The following VRK2 variants were observed in gnomAD, a reference collection of about 807,000 sequenced individuals.
The protein encoded by VRK2 is VRK serine/threonine kinase 2, also known as serine/threonine-protein kinase VRK2.
A neutral mutation model predicts 57.6 loss-of-function variants in VRK2; 60 were observed. The observed-to-expected ratio is 1.04, with a 90% CI of 0.85 to 1.29. The LOEUF is 1.29. Ranked by LOEUF, VRK2 falls within the 50% of genes most tolerant of loss-of-function variation. VRK2 has a pLI of 0.00. For missense variants in VRK2, 705 were observed against 588.1 expected (o/e 1.20, Z -2.06); for synonymous variants, 231 against 199.2 (o/e 1.16, Z -1.35).
intron 10 of VRK2, among the ~76,000 whole-genome samples, chr2:58,136,290 T>C (rs1679996678): frequency 2.6e-5 from 4 of 152,136 alleles, no homozygotes; most frequent in Admixed American, 2.6e-4. Context: ...GAGATCCTCA[T>C]TGTGGGAATG....
At chr2:58,092,636 T>C (rs963147288) in intron 7 of VRK2, among the ~76,000 whole-genome samples, 3 of 152,168 alleles carry the variant, frequency 2.0e-5, no homozygotes, top group Non-Finnish European at 4.4e-5. Flanking sequence ...CCATCAGCAA[T>C]GTGTGATATT....
chr2:57,987,586 G>A (rs1469527800), intron 1 of VRK2, among the ~76,000 whole-genome samples: 2 of 152,092 alleles, frequency 1.3e-5, no homozygotes, highest in South Asian at 2.1e-4. Flanking sequence ...TCTTTGGAAG[G>A]TGTTTGGAAG....
chr2:58,007,938 A>G (rs1673300701), intron 1 of VRK2, among the ~76,000 whole-genome samples: 1 of 152,340 alleles, frequency 6.6e-6, no homozygotes, highest in Non-Finnish European at 1.5e-5. Context: ...ACAAAGGGAA[A>G]TAGAAAATCC....
rs1379874811 is a variant in VRK2, at chr2:58,098,114, G to T, written c.543+8391G>T. 3.3e-5 allele frequency among the ~76,000 whole-genome samples: 5 copies of T among 151,388 alleles called. No individual in the cohort carries two copies. The South Asian group carries it at 6.3e-4, about 19-fold the overall frequency. ...ATTGTGTCTTATTTTTTAACAAAAA[G>T]ATTTAAAAAAATAAAAAAGAAAATA... On this transcript the variant is annotated intron_variant, in intron 7 of 12. Transcript: ENST00000340157.
chr2:58,054,260 C>T (rs1230046373), intron 2 of VRK2, among the ~76,000 whole-genome samples: 2 of 151,812 alleles, frequency 1.3e-5, no homozygotes, highest in African/African-American at 4.8e-5. Context: ...TCTTTATTTT[C>T]AACATTTTAC....
chr2:57,973,735 G>A (rs1171492546), intron 1 of VRK2, among the ~76,000 whole-genome samples: 1 of 151,588 alleles, frequency 6.6e-6, no homozygotes, highest in African/African-American at 2.4e-5. Flanking sequence ...AAAATTTAAC[G>A]ATAAAGAAAG....
intron 1 of VRK2, among the ~76,000 whole-genome samples, chr2:57,911,674 A>G (rs978008786): frequency 4.6e-5 from 7 of 152,212 alleles, no homozygotes; most frequent in South Asian, 2.1e-4. Flanking sequence ...ATGTGCATCA[A>G]TGGAGCCTGG....
intron 2 of VRK2, among the ~76,000 whole-genome samples, chr2:58,066,953 G>A (rs961465092): frequency 6.6e-6 from 1 of 152,160 alleles, no homozygotes; most frequent in Non-Finnish European, 1.5e-5. Context: ...TCAGTGGATT[G>A]GGAGAGGTAG....
At chr2:58,037,668 T>C (rs745602976) in intron 3 of VRK2, among the ~76,000 whole-genome samples, 1 of 152,146 alleles carries the variant, frequency 6.6e-6, no homozygotes, top group Admixed American at 6.5e-5. Context: ...TCTAAGGAGA[T>C]ATTTACTATG....
intron 1 of VRK2, among the ~76,000 whole-genome samples, chr2:57,921,640 CTG>C (rs1268065348): frequency 6.6e-6 from 1 of 152,062 alleles, no homozygotes; most frequent in Non-Finnish European, 1.5e-5. Context: ...CTCTACAAAA[CTG>C]AGTGAAATGA....
At chr2:57,943,724 A>T (rs996132093) in intron 1 of VRK2, among the ~76,000 whole-genome samples, 1 of 152,216 alleles carries the variant, frequency 6.6e-6, no homozygotes, top group Non-Finnish European at 1.5e-5. Context: ...CCTTTTTCCA[A>T]CTAGACTTAG....
chr2:58,033,942 T>A (rs1168725189), intron 3 of VRK2, among the ~76,000 whole-genome samples: 2 of 152,036 alleles, frequency 1.3e-5, no homozygotes, highest in Non-Finnish European at 2.9e-5. Flanking sequence ...CTTGTCTAGA[T>A]CAACTCTTTC....
chr2:58,121,143 A>G (rs1677448505), intron 7 of VRK2, among the ~76,000 whole-genome samples: 1 of 152,202 alleles, frequency 6.6e-6, no homozygotes, highest in Admixed American at 6.5e-5. Context: ...TTCCAGATGA[A>G]TAAAATGGAG....
intron 1 of VRK2, among the ~76,000 whole-genome samples, chr2:57,958,918 A>G (rs549620217): frequency 8.5e-5 from 13 of 152,316 alleles, no homozygotes; most frequent in Non-Finnish European, 1.8e-4. Context: ...AAAGGCCACC[A>G]TAGTATTAGT....
chr2:57,919,841 T>G (rs1670281198), intron 1 of VRK2, among the ~76,000 whole-genome samples: 1 of 152,062 alleles, frequency 6.6e-6, no homozygotes, highest in Non-Finnish European at 1.5e-5. Flanking sequence ...AAAAGTATCT[T>G]CTTTGGTAAC....
At chr2:58,127,713 G>A (rs562088107) in intron 8 of VRK2, among the ~76,000 whole-genome samples, 33 of 152,212 alleles carry the variant, frequency 2.2e-4, no homozygotes, top group African/African-American at 7.2e-4. Context: ...CTTTCTTATT[G>A]TCTTTCTGAG....
At chr2:58,030,315 T>C (rs17830749) in intron 2 of VRK2, among the ~76,000 whole-genome samples, 9,937 of 152,204 alleles carry the variant, frequency 0.065, 418 homozygotes, top group Non-Finnish European at 0.079. Context: ...TCATCTTTGT[T>C]TTAAATATCA....
intron 7 of VRK2, among the ~76,000 whole-genome samples, chr2:58,095,999 TTA>T: frequency 6.6e-6 from 1 of 152,242 alleles, no homozygotes; most frequent in Non-Finnish European, 1.5e-5. Flanking sequence ...TGTTTTATTT[TTA>T]TGGAATGGGT....
chr2:57,961,071 C>G (rs181234583), intron 1 of VRK2, among the ~76,000 whole-genome samples: 1 of 152,230 alleles, frequency 6.6e-6, no homozygotes, highest in African/African-American at 2.4e-5. Context: ...AGTTTACTTC[C>G]TTATGTGAAT....
Sources: allele counts gnomAD v4.1 joint callset (sites outside exome capture counted in the v4.1 genomes callset), GRCh38; gene constraint gnomAD v4.1.1; transcripts MANE v1.5; gene names NCBI Gene and HGNC (gene_info 2026-07-23, HGNC 2026-07-21).